The following FSTL4 variants were observed in gnomAD, a reference collection of about 807,000 sequenced individuals.
The protein encoded by FSTL4 is follistatin-related protein 4.
In FSTL4, 28 loss-of-function variants were observed where a neutral mutation model predicts 78.2. The observed-to-expected ratio is 0.36, with a 90% CI of 0.27 to 0.49. The LOEUF is 0.49. Ranked by LOEUF, FSTL4 falls within the 20% of genes least tolerant of loss-of-function variation. The probability of loss-of-function intolerance (pLI) is 0.98; values close to 1 mark genes in which losing one functional copy is unlikely to be tolerated. For synonymous variants in FSTL4, 422 were observed against 440.5 expected (o/e 0.96, Z 0.53); for missense variants, 922 against 1,084.9 (o/e 0.85, Z 2.11).
the FSTL4 span, among the ~76,000 whole-genome samples, chr5:133,716,859 C>T: frequency 6.6e-6 from 1 of 152,204 alleles, no homozygotes; most frequent in Non-Finnish European, 1.5e-5. Flanking sequence ...AAAAGGGAAA[C>T]TTTAGACACA....
At chr5:133,677,180 G>C in the FSTL4 span, among the ~76,000 whole-genome samples, 1 of 152,160 alleles carries the variant, frequency 6.6e-6, no homozygotes, top group South Asian at 2.1e-4. Context: ...ATACAGGATC[G>C]TTCACACACA....
the FSTL4 span, among the ~76,000 whole-genome samples, chr5:133,813,011 A>C: frequency 2.6e-5 from 4 of 152,240 alleles, no homozygotes; most frequent in African/African-American, 9.6e-5. Flanking sequence ...CATCGTGTTA[A>C]CATTCTGTTG....
In FSTL4 at chr5:133,567,177, T is replaced by G. The variant is rs1760043773; in HGVS notation, c.160+9A>C. On this transcript the variant is annotated intron_variant, in intron 3 of 15. Coordinates refer to ENST00000265342, the MANE Select transcript of FSTL4 (RefSeq NM_015082.2). ...GAAAATAAAATGGGTATGAGTGCAT[T>G]TTTCCTACCTTCTCTTCTTGTGACT... The G allele has an allele frequency of 6.3e-7, 1 of 1,596,298 alleles. No individual in the cohort carries two copies. Among genetic ancestry groups the G allele is most frequent in the African/African-American group, 1.3e-5 (1 of 74,598 alleles).
At chr5:133,623,542 C>A in the FSTL4 span, among the ~76,000 whole-genome samples, 1 of 152,090 alleles carries the variant, frequency 6.6e-6, no homozygotes, top group East Asian at 1.9e-4. Flanking sequence ...AAAACCTAAA[C>A]TCTTGGGGGG....
the FSTL4 span, among the ~76,000 whole-genome samples, chr5:133,667,995 C>T: frequency 6.6e-6 from 1 of 152,202 alleles, no homozygotes; most frequent in Admixed American, 6.5e-5. Flanking sequence ...CTTTTCATGC[C>T]TGATAACACT....
At chr5:133,406,325 T>G (rs971003638) in intron 3 of FSTL4, among the ~76,000 whole-genome samples, 2 of 152,174 alleles carry the variant, frequency 1.3e-5, no homozygotes, top group African/African-American at 4.8e-5. Context: ...CCAGGCAGAC[T>G]CAGTCTGCAG....
At chr5:133,388,620 T>C (rs1225901361) in intron 4 of FSTL4, 2 of 151,628 alleles carry the variant, frequency 1.3e-5, no homozygotes, top group Non-Finnish European at 1.5e-5. Flanking sequence ...TTTTTCTCTC[T>C]CTGGATATTT....
At chr5:133,735,061 G>A in the FSTL4 span, among the ~76,000 whole-genome samples, 1 of 152,186 alleles carries the variant, frequency 6.6e-6, no homozygotes, top group African/African-American at 2.4e-5. Context: ...AACAGGCCTT[G>A]CAGCATTGAA....
At chr5:133,458,496 G>A (rs1050358074) in intron 3 of FSTL4, among the ~76,000 whole-genome samples, 15 of 152,220 alleles carry the variant, frequency 9.9e-5, no homozygotes, top group Non-Finnish European at 2.2e-4. Flanking sequence ...GTCTGGCATT[G>A]GCCAAGGCAG....
chr5:133,348,705 C>T (rs569341949), intron 4 of FSTL4, among the ~76,000 whole-genome samples: 7 of 152,342 alleles, frequency 4.6e-5, no homozygotes, highest in South Asian at 2.1e-4. Flanking sequence ...AACTCATAGC[C>T]GGCTACCTCT....
intron 3 of FSTL4, among the ~76,000 whole-genome samples, chr5:133,444,757 G>C (rs1454571752): frequency 6.6e-6 from 1 of 152,172 alleles, no homozygotes; most frequent in Non-Finnish European, 1.5e-5. Context: ...CCCCAGATAC[G>C]TGGTGCTTAT....
chr5:133,375,313 A>ATATATATATATATATATATATATAG (rs1354744825), intron 4 of FSTL4, among the ~76,000 whole-genome samples: 1 of 31,058 alleles, frequency 3.2e-5, no homozygotes, highest in African/African-American at 6.9e-5. Flanking sequence ...TATATATATA[A>ATATATATATATATATATATATATAG]AAGACTCTAA....
At chr5:133,619,422 C>A in the FSTL4 span, among the ~76,000 whole-genome samples, 1 of 152,122 alleles carries the variant, frequency 6.6e-6, no homozygotes, top group African/African-American at 2.4e-5. Flanking sequence ...GTTGAAAACA[C>A]ATCAAATGAA....
chr5:133,466,496 A>T (rs186596227), intron 3 of FSTL4, among the ~76,000 whole-genome samples: 75 of 151,956 alleles, frequency 4.9e-4, no homozygotes, highest in Non-Finnish European at 9.0e-4. Flanking sequence ...GAGCCGAGAT[A>T]GCGCCACTGC....
intron 8 of FSTL4, among the ~76,000 whole-genome samples, chr5:133,230,479 T>C (rs1461489302): frequency 1.3e-5 from 2 of 152,162 alleles, no homozygotes; most frequent in Non-Finnish European, 2.9e-5. Context: ...TAAAAATACA[T>C]GACTAAATGC....
chr5:133,570,931 G>A (rs1473051789), intron 2 of FSTL4, among the ~76,000 whole-genome samples: 1 of 152,098 alleles, frequency 6.6e-6, no homozygotes, highest in Non-Finnish European at 1.5e-5. Flanking sequence ...AAACATCAGA[G>A]TGCAAGGCTA....
chr5:133,822,757 T>C, the FSTL4 span, among the ~76,000 whole-genome samples: 1 of 152,124 alleles, frequency 6.6e-6, no homozygotes, highest in Non-Finnish European at 1.5e-5. Context: ...AAACATCCTT[T>C]TTCGGACCCA....
the FSTL4 span, among the ~76,000 whole-genome samples, chr5:133,808,348 A>G: frequency 6.6e-6 from 1 of 152,196 alleles, no homozygotes; most frequent in African/African-American, 2.4e-5. Context: ...GAGCAGGCTC[A>G]AAGGAGCGAA....
the FSTL4 span, among the ~76,000 whole-genome samples, chr5:133,714,986 G>C: frequency 6.6e-6 from 1 of 152,216 alleles, no homozygotes; most frequent in Non-Finnish European, 1.5e-5. Context: ...TCTCTCCATG[G>C]GATCAGGGCA....
Sources: allele counts gnomAD v4.1 joint callset (sites outside exome capture counted in the v4.1 genomes callset), GRCh38; gene constraint gnomAD v4.1.1; transcripts MANE v1.5; gene names NCBI Gene and HGNC (gene_info 2026-07-23, HGNC 2026-07-21).